The following CLCN3 variants were observed in gnomAD, a reference collection of about 807,000 sequenced individuals.
CLCN3 encodes the protein H(+)/Cl(-) exchange transporter 3.
In CLCN3, 16 loss-of-function variants were observed where a neutral mutation model predicts 83.4. The ratio of observed to expected loss-of-function variants is 0.19; its 90% CI spans 0.13 to 0.29. The LOEUF (loss-of-function observed/expected upper bound fraction) is 0.29, where lower values mean the gene tolerates loss of function less well. Ranked by LOEUF, CLCN3 falls within the 10% of genes least tolerant of loss-of-function variation. The probability of loss-of-function intolerance (pLI) is 1.00; values close to 1 mark genes in which losing one functional copy is unlikely to be tolerated. For missense variants in CLCN3, 544 were observed against 1,006.0 expected, an observed-to-expected ratio of 0.54 and a Z score of 6.21; for synonymous variants, 322 against 346.2, an observed-to-expected ratio of 0.93 and a Z score of 0.78.
At chr4:169,626,490 G>A (rs1175572515) in intron 1 of CLCN3, among the ~76,000 whole-genome samples, 2 of 152,234 alleles carry the variant, frequency 1.3e-5, no homozygotes, top group African/African-American at 4.8e-5. Context: ...AACTTCTTCT[G>A]CCTGTCTGCA....
intron 1 of CLCN3, among the ~76,000 whole-genome samples, chr4:169,623,549 TGAGG>T (rs1052339895): frequency 6.6e-6 from 1 of 152,218 alleles, no homozygotes; most frequent in Non-Finnish European, 1.5e-5. Flanking sequence ...TTAGCAATTT[TGAGG>T]TATATAGTAC....
chr4:169,667,440 C>G (rs1384253770), intron 2 of CLCN3, among the ~76,000 whole-genome samples: 1 of 151,988 alleles, frequency 6.6e-6, no homozygotes, highest in African/African-American at 2.4e-5. Flanking sequence ...CATAGGTATG[C>G]TTGATCTTTA....
chr4:169,659,008 C>T (rs900404520), intron 2 of CLCN3, among the ~76,000 whole-genome samples: 3 of 152,142 alleles, frequency 2.0e-5, no homozygotes, highest in Non-Finnish European at 4.4e-5. Flanking sequence ...TGAGTTTTCT[C>T]TTTCCTTCTC....
intron 12 of CLCN3, chr4:169,717,741 CTCTTTTAA>C: frequency 1.1e-6 from 1 of 903,938 alleles, no homozygotes; most frequent in Non-Finnish European, 1.7e-6. Flanking sequence ...TGATTGGAAA[CTCTTTTAA>C]TTTAATTTCT....
chr4:169,706,592 A>G (rs577624981), intron 10 of CLCN3, among the ~76,000 whole-genome samples: 1 of 152,348 alleles, frequency 6.6e-6, no homozygotes, highest in South Asian at 2.1e-4. Context: ...TTTAGTCGGT[A>G]AGCTTTGCTT....
Position 169,720,004 on chromosome 4 carries a change from C to A in CLCN3, c.*7C>A. 1 of 1,613,638 alleles carries A rather than the reference C, an allele frequency of 6.2e-7. No individual in the cohort carries two copies. Among genetic ancestry groups the A allele is most frequent in the South Asian group, 1.1e-5 (1 of 91,068 alleles). ...TTCAATAATGTTCAACTGAATCTCACAGATGAGGAGAGAGAAGAAACGGAA... is the reference window on the plus strand; with the variant it reads ...TTCAATAATGTTCAACTGAATCTCAAAGATGAGGAGAGAGAAGAAACGGAA... On this transcript the variant is annotated 3_prime_UTR_variant, in exon 13 of 13. Coordinates refer to ENST00000513761, the MANE Select transcript of CLCN3 (RefSeq NM_001829.4).
chr4:169,719,133 C>A (rs765721068), intron 12 of CLCN3, among the ~76,000 whole-genome samples: 3 of 152,160 alleles, frequency 2.0e-5, no homozygotes, highest in African/African-American at 7.2e-5. Context: ...AGTGGGCAAT[C>A]CTTAAATTAT....
intron 2 of CLCN3, among the ~76,000 whole-genome samples, chr4:169,679,040 G>A (rs1408593905): frequency 3.4e-4 from 51 of 150,284 alleles, no homozygotes; most frequent in East Asian, 2.0e-4. Context: ...GGGCGGGGGC[G>A]CCCCCCACCT....
chr4:169,677,791 C>T (rs966709419), intron 2 of CLCN3, among the ~76,000 whole-genome samples: 2 of 152,238 alleles, frequency 1.3e-5, no homozygotes, highest in Non-Finnish European at 2.9e-5. Context: ...CACACTTCAT[C>T]TTTACTAATC....
intron 7 of CLCN3, among the ~76,000 whole-genome samples, chr4:169,694,534 T>C (rs1402811357): frequency 6.6e-6 from 1 of 152,228 alleles, no homozygotes. Context: ...TGTATTAAAG[T>C]AGTGAAAGTA....
chr4:169,660,401 A>C (rs1331355043), intron 2 of CLCN3: 1 of 1,405,102 alleles, frequency 7.1e-7, no homozygotes, highest in Non-Finnish European at 9.2e-7. Flanking sequence ...TATTTGCCTT[A>C]TGACGGGGGA....
intron 2 of CLCN3, among the ~76,000 whole-genome samples, chr4:169,669,742 C>G (rs1201816942): frequency 6.6e-6 from 1 of 152,104 alleles, no homozygotes; most frequent in African/African-American, 2.4e-5. Flanking sequence ...TTTCTCCTCC[C>G]CAGCAATCCT....
chr4:169,650,765 A>G (rs1234406980), intron 2 of CLCN3, among the ~76,000 whole-genome samples: 2 of 152,220 alleles, frequency 1.3e-5, no homozygotes, highest in African/African-American at 4.8e-5. Flanking sequence ...GACACTTCAC[A>G]TTCTGTTGCC....
intron 2 of CLCN3, among the ~76,000 whole-genome samples, chr4:169,663,314 T>TTTGTTGTTG (rs71590022): frequency 1.5e-5 from 2 of 131,106 alleles, no homozygotes; most frequent in African/African-American, 7.3e-5. Flanking sequence ...AGTGGGTTTT[T>TTTGTTGTTG]TTGTTGTTGT....
chr4:169,627,034 G>A (rs1248286763), intron 1 of CLCN3, among the ~76,000 whole-genome samples: 1 of 152,100 alleles, frequency 6.6e-6, no homozygotes, highest in African/African-American at 2.4e-5. Flanking sequence ...TCACACTGCT[G>A]CTAGTGTTGG....
chr4:169,712,975 C>A, intron 11 of CLCN3, 104 bp from the exon 12 acceptor site: 1 of 779,750 alleles, frequency 1.3e-6, no homozygotes, highest in Non-Finnish European at 2.1e-6. Context: ...ATGAAGGGAT[C>A]AGAAGTCATA....
intron 2 of CLCN3, among the ~76,000 whole-genome samples, chr4:169,664,672 A>G (rs1214676783): frequency 2.0e-5 from 3 of 152,230 alleles, no homozygotes; most frequent in Admixed American, 6.5e-5. Context: ...TTTTAAATGT[A>G]CTTTTCCCAC....
chr4:169,715,275 G>A (rs1281078573), intron 12 of CLCN3, among the ~76,000 whole-genome samples: 2 of 152,042 alleles, frequency 1.3e-5, no homozygotes, highest in East Asian at 3.9e-4. Flanking sequence ...AGCGAGGGGT[G>A]GATAGCTAAT....
At chr4:169,632,592 C>T (rs1444751657) in intron 1 of CLCN3, among the ~76,000 whole-genome samples, 1 of 151,860 alleles carries the variant, frequency 6.6e-6, no homozygotes, top group South Asian at 2.1e-4. Context: ...TGGCGGGCGC[C>T]TGTAGTCCCA....
Sources: allele counts gnomAD v4.1 joint callset (sites outside exome capture counted in the v4.1 genomes callset), GRCh38; gene constraint gnomAD v4.1.1; transcripts MANE v1.5; gene names NCBI Gene and HGNC (gene_info 2026-07-23, HGNC 2026-07-21).